The following DNAH11 variants were observed in gnomAD, a reference collection of about 807,000 sequenced individuals.
The protein encoded by DNAH11 is axonemal beta dynein heavy chain 11.
In DNAH11, 442 loss-of-function variants were observed where a neutral mutation model predicts 526.0. The ratio of observed to expected loss-of-function variants is 0.84; its 90% confidence interval spans 0.78 to 0.91. The LOEUF (loss-of-function observed/expected upper bound fraction) is 0.91. Among genes scored for constraint, DNAH11 ranks in the 40% least tolerant of loss-of-function variants. The pLI is 0.00. For synonymous variants in DNAH11, 2,461 were observed against 1,935.9 expected (o/e 1.27, Z -7.12); for missense variants, 6,989 against 5,448.7 (o/e 1.28, Z -8.90).
chr7:21,549,719 C>A (rs1425196665), intron 2 of DNAH11, among the ~76,000 whole-genome samples: 1 of 152,180 alleles, frequency 6.6e-6, no homozygotes, highest in African/African-American at 2.4e-5. Context: ...GGTCTCCAGG[C>A]TGGAGTTACC....
In DNAH11 at chr7:21,811,631, G is replaced by T. The variant is rs750196741; in HGVS notation, c.10332+3582G>T. On this transcript the variant is annotated intron_variant, in intron 63 of 81. Coordinates refer to ENST00000409508, the MANE Select transcript of DNAH11 (RefSeq NM_001277115.2). ...CAGTTTGGGAACATGAAAAAGTTCT[G>T]GAGCTAGATAATGATGATGGTTGTA... Among the ~76,000 whole-genome samples the T allele has an allele frequency of 2.6e-5, 4 of 152,182 alleles. No individual in the cohort carries two copies. In the East Asian group the frequency reaches 5.8e-4, roughly 22 times the overall value.
intron 74 of DNAH11, among the ~76,000 whole-genome samples, chr7:21,879,747 A>C (rs73279881): frequency 6.6e-6 from 1 of 152,130 alleles, no homozygotes; most frequent in Admixed American, 6.5e-5. Flanking sequence ...ACCTAACTCA[A>C]GTTTTCCAGA....
chr7:21,796,505 T>C (rs1788719390), intron 61 of DNAH11, among the ~76,000 whole-genome samples: 1 of 152,114 alleles, frequency 6.6e-6, no homozygotes. Context: ...ATAAACAGTT[T>C]ATAAACTGGG....
chr7:21,644,339 T>C (rs1787254347), intron 28 of DNAH11, among the ~76,000 whole-genome samples: 1 of 152,172 alleles, frequency 6.6e-6, no homozygotes, highest in African/African-American at 2.4e-5. Flanking sequence ...ATATGAATTT[T>C]AAGAGGATGG....
At position 21,658,865 on chromosome 7, in the gene DNAH11, C is replaced by A; in HGVS notation, c.5162C>A (p.Ala1721Asp). The stretch of plus-strand genomic sequence containing the variant: ...ACGGTGCGTCATTCTATAACAGAAG[C>A]CATAGTGGCCTACGAGGAAAAACCT... ...QETVRHSITE[A>D]IVAYEEKPRE... The change falls in exon 30 of 82, where the codon GCC (alanine) becomes GAC (aspartate). Residue 1721 changes from alanine (A) to aspartate (D), a missense_variant. Coordinates refer to ENST00000409508, the MANE Select transcript of DNAH11 (RefSeq NM_001277115.2). 6.2e-7 allele frequency: 1 copy of A among 1,607,240 alleles called. No individual in the cohort carries two copies. Among genetic ancestry groups the A allele is most frequent in the Non-Finnish European group, 8.5e-7 (1 of 1,176,880 alleles).
intron 65 of DNAH11, among the ~76,000 whole-genome samples, chr7:21,823,403 C>A (rs1043378281): frequency 9.2e-5 from 14 of 152,130 alleles, no homozygotes; most frequent in African/African-American, 3.1e-4. Flanking sequence ...ATAATCCCCC[C>A]TCCTGTGATA....
At chr7:21,652,779 G>T (rs942993055) in intron 28 of DNAH11, among the ~76,000 whole-genome samples, 2 of 152,158 alleles carry the variant, frequency 1.3e-5, no homozygotes, top group African/African-American at 4.8e-5. Flanking sequence ...AATACATGGT[G>T]AGTTATTGGT....
In DNAH11 at chr7:21,800,435, C is replaced by T. The variant is rs866409092; in HGVS notation, c.10027-702C>T. Among the ~76,000 whole-genome samples, 4 of 152,120 alleles carry T rather than the reference C, an allele frequency of 2.6e-5. 1 individual carries two copies. The Middle Eastern group carries it at 0.01, about 388-fold the overall frequency. ...TCACTTGAGACCAGGAGTTCAAGACCAGCCCGGCCAACATGGCGAAACCTC... is the reference window on the plus strand; with the variant it reads ...TCACTTGAGACCAGGAGTTCAAGACTAGCCCGGCCAACATGGCGAAACCTC... On this transcript the variant is annotated intron_variant, in intron 61 of 81. Coordinates refer to ENST00000409508, the MANE Select transcript of DNAH11 (RefSeq NM_001277115.2).
chr7:21,707,844 T>G lies in DNAH11; in HGVS notation c.6683+9T>G. On this transcript the variant is annotated intron_variant, in intron 40 of 81. Transcript: ENST00000409508. ...GAATGGAAAGATGGCAAGTAGTATT[T>G]CCCCTTTAGAAGTGCTCAATTTTTT... is the stretch of plus-strand genomic sequence containing the variant. 6 of 1,590,180 alleles carry G rather than the reference T, an allele frequency of 3.8e-6. No homozygotes were observed. The highest frequency in any genetic ancestry group is 5.1e-6 in the Non-Finnish European group (6 of 1,169,802).
chr7:21,696,006 C>T (rs1783833913), intron 35 of DNAH11, among the ~76,000 whole-genome samples: 1 of 152,124 alleles, frequency 6.6e-6, no homozygotes, highest in Non-Finnish European at 1.5e-5. Context: ...GAATTCCATA[C>T]CTGATACATG....
chr7:21,753,750 A>T (rs1038308179), intron 54 of DNAH11, among the ~76,000 whole-genome samples: 2 of 152,028 alleles, frequency 1.3e-5, no homozygotes, highest in African/African-American at 4.8e-5. Context: ...TTTCATTTCC[A>T]ATTGCTCTTT....
chr7:21,706,135 C>A (rs1369058319), intron 39 of DNAH11, among the ~76,000 whole-genome samples: 1 of 152,102 alleles, frequency 6.6e-6, no homozygotes, highest in African/African-American at 2.4e-5. Flanking sequence ...TTTGATGTAC[C>A]TATTATGTGC....
intron 77 of DNAH11, among the ~76,000 whole-genome samples, chr7:21,893,644 C>T (rs569316284): frequency 3.8e-4 from 58 of 152,332 alleles, no homozygotes; most frequent in African/African-American, 1.3e-3. Context: ...GTTTTTCCAG[C>T]TCGGTGGAGC....
intron 76 of DNAH11, among the ~76,000 whole-genome samples, chr7:21,889,563 T>C (rs1317670563): frequency 6.6e-6 from 1 of 152,246 alleles, no homozygotes; most frequent in East Asian, 1.9e-4. Context: ...AGACTGCTAC[T>C]GTCCACATTT....
chr7:21,749,220 G>C (rs1394408020), intron 52 of DNAH11, among the ~76,000 whole-genome samples: 1 of 152,116 alleles, frequency 6.6e-6, no homozygotes, highest in East Asian at 1.9e-4. Flanking sequence ...AATAACAATA[G>C]TACTTACAAA....
intron 28 of DNAH11, among the ~76,000 whole-genome samples, chr7:21,648,869 A>G (rs1409482485): frequency 6.6e-6 from 1 of 152,104 alleles, no homozygotes; most frequent in Non-Finnish European, 1.5e-5. Flanking sequence ...TGTTTTCTTT[A>G]TTTCTTTAAT....
chr7:21,870,603 A>G (rs1010777186), intron 73 of DNAH11, among the ~76,000 whole-genome samples: 1 of 152,212 alleles, frequency 6.6e-6, no homozygotes, highest in Non-Finnish European at 1.5e-5. Context: ...CAGACTGGAG[A>G]GAACACTAGG....
intron 61 of DNAH11, among the ~76,000 whole-genome samples, chr7:21,789,818 T>TTCTG (rs1388441852): frequency 3.5e-5 from 5 of 141,316 alleles, no homozygotes; most frequent in African/African-American, 1.1e-4. Context: ...TTTTCTTTCT[T>TTCTG]TCTTTCTTTC....
intron 45 of DNAH11, among the ~76,000 whole-genome samples, chr7:21,731,091 C>G (rs190848817): frequency 3.3e-5 from 5 of 152,094 alleles, no homozygotes; most frequent in Admixed American, 2.6e-4. Context: ...TTGCAGAGAG[C>G]CGAGAGTGCG....
Sources: allele counts gnomAD v4.1 joint callset (sites outside exome capture counted in the v4.1 genomes callset), GRCh38; gene constraint gnomAD v4.1.1; transcripts MANE v1.5; gene names NCBI Gene and HGNC (gene_info 2026-07-23, HGNC 2026-07-21).